Variants in NAALADL2 observed in about 807,000 individuals in gnomAD.
The protein encoded by NAALADL2 is N-acetylated alpha-linked acidic dipeptidase like 2.
In NAALADL2, 76 loss-of-function variants were observed where a neutral mutation model predicts 87.2. The ratio of observed to expected loss-of-function variants is 0.87; its 90% CI spans 0.72 to 1.05. The LOEUF (loss-of-function observed/expected upper bound fraction) is 1.05, where lower values mean the gene tolerates loss of function less well. Ranked by LOEUF, NAALADL2 falls within the 50% of genes least tolerant of loss-of-function variation. NAALADL2 has a pLI of 0.00. For missense variants in NAALADL2, 1,089 were observed against 945.8 expected (o/e 1.15, Z -1.99); for synonymous variants, 354 against 331.0 (o/e 1.07, Z -0.75).
At chr3:174,561,477 G>A (rs532734603) in intron 2 of NAALADL2, among the ~76,000 whole-genome samples, 7 of 152,152 alleles carry the variant, frequency 4.6e-5, no homozygotes, top group East Asian at 3.9e-4. Flanking sequence ...TGAGATTACC[G>A]CCATGAGCCA....
chr3:175,541,907 G>C (rs750863802), intron 9 of NAALADL2, among the ~76,000 whole-genome samples: 3 of 152,150 alleles, frequency 2.0e-5, no homozygotes, highest in Non-Finnish European at 4.4e-5. Flanking sequence ...TTTTAGAAGA[G>C]ATGGGGTTTC....
At chr3:175,360,963 C>T (rs1233260618) in intron 5 of NAALADL2, among the ~76,000 whole-genome samples, 2 of 151,760 alleles carry the variant, frequency 1.3e-5, no homozygotes, top group South Asian at 4.1e-4. Flanking sequence ...TGGTGTGCTG[C>T]ACCCATTAAC....
chr3:175,495,052 G>A (rs1728613761), intron 9 of NAALADL2, among the ~76,000 whole-genome samples: 1 of 146,392 alleles, frequency 6.8e-6, no homozygotes, highest in African/African-American at 2.5e-5. Context: ...TTCTGTTTTG[G>A]ACCATCTGTA....
chr3:174,930,746 C>G (rs1736766391), intron 1 of NAALADL2, among the ~76,000 whole-genome samples: 1 of 150,702 alleles, frequency 6.6e-6, no homozygotes, highest in African/African-American at 2.4e-5. Context: ...CTCAGCCTCC[C>G]AAATAGCTGG....
chr3:174,802,563 A>C (rs1051041164), intron 3 of NAALADL2, among the ~76,000 whole-genome samples: 1 of 152,154 alleles, frequency 6.6e-6, no homozygotes, highest in Non-Finnish European at 1.5e-5. Context: ...TACATGTGCC[A>C]TGTTGGTTTG....
At chr3:174,780,004 G>A (rs1715739391) in intron 3 of NAALADL2, among the ~76,000 whole-genome samples, 1 of 152,124 alleles carries the variant, frequency 6.6e-6, no homozygotes, top group South Asian at 2.1e-4. Flanking sequence ...CTAATTCTGT[G>A]AAGAAGGTCA....
At chr3:175,512,451 T>G (rs1225327373) in intron 9 of NAALADL2, among the ~76,000 whole-genome samples, 1 of 152,190 alleles carries the variant, frequency 6.6e-6, no homozygotes, top group African/African-American at 2.4e-5. Flanking sequence ...CATTGTTAAC[T>G]GCTCCAAAGC....
chr3:175,163,020 T>C (rs945484402), intron 2 of NAALADL2, among the ~76,000 whole-genome samples: 31 of 152,140 alleles, frequency 2.0e-4, no homozygotes, highest in Admixed American at 2.0e-4. Context: ...CTTGAAAAAG[T>C]AGATCTTTGA....
At chr3:174,454,328 A>G (rs1257456617) in intron 1 of NAALADL2, among the ~76,000 whole-genome samples, 1 of 152,180 alleles carries the variant, frequency 6.6e-6, no homozygotes, top group Non-Finnish European at 1.5e-5. Context: ...TATTATATAG[A>G]TCATCGAGGG....
chr3:175,166,702 C>G (rs1734055359), intron 2 of NAALADL2, among the ~76,000 whole-genome samples: 1 of 151,994 alleles, frequency 6.6e-6, no homozygotes, highest in African/African-American at 2.4e-5. Flanking sequence ...CTACGTCTTT[C>G]TGCTGATTAC....
chr3:174,923,120 C>T (rs1026345732), intron 1 of NAALADL2, among the ~76,000 whole-genome samples: 3 of 151,994 alleles, frequency 2.0e-5, no homozygotes, highest in African/African-American at 7.2e-5. Context: ...ACAAGATGAG[C>T]CTGAAATGTC....
At chr3:175,780,231 G>A (rs1443514914) in intron 13 of NAALADL2, among the ~76,000 whole-genome samples, 27 of 151,152 alleles carry the variant, frequency 1.8e-4, no homozygotes, top group African/African-American at 4.1e-4. Flanking sequence ...AGCCGAGATC[G>A]CGCCACTGCA....
At chr3:175,241,771 T>C (rs2109612069) in intron 3 of NAALADL2, among the ~76,000 whole-genome samples, 1 of 152,040 alleles carries the variant, frequency 6.6e-6, no homozygotes, top group East Asian at 1.9e-4. Flanking sequence ...AACTAGGTGG[T>C]TAAAGTGCAG....
At position 174,979,974 on chromosome 3, in the gene NAALADL2, C is replaced by T. The variant is rs562056165; in HGVS notation, c.44-116816C>T. On this transcript the variant is annotated intron_variant, in intron 1 of 13. Transcript: ENST00000454872. ...TCCCCAAAAGCCCTTTATGATTTGA[C>T]TTCTTGTGACCACTTTGACCTTCTG... 1.1e-4 allele frequency among the ~76,000 whole-genome samples: 16 copies of T among 152,178 alleles called. No individual in the cohort carries two copies. In the South Asian group the frequency reaches 2.9e-3, roughly 28 times the overall value.
chr3:175,020,031 C>T (rs747337075), intron 1 of NAALADL2, among the ~76,000 whole-genome samples: 6 of 152,124 alleles, frequency 3.9e-5, no homozygotes, highest in African/African-American at 7.2e-5. Flanking sequence ...CAGTATGTTA[C>T]ACATAATAAG....
intron 10 of NAALADL2, among the ~76,000 whole-genome samples, chr3:175,617,252 ACCTT>A (rs1268867673): frequency 1.3e-5 from 2 of 152,182 alleles, no homozygotes; most frequent in African/African-American, 4.8e-5. Flanking sequence ...GAGGAAGTCC[ACCTT>A]CCTTCCTTCG....
At chr3:175,405,023 A>T (rs1712058957) in intron 5 of NAALADL2, among the ~76,000 whole-genome samples, 1 of 152,192 alleles carries the variant, frequency 6.6e-6, no homozygotes, top group Admixed American at 6.5e-5. Context: ...ATTACTTAAT[A>T]GTACAATCTA....
At chr3:174,874,674 TAC>T (rs1010279437) in intron 1 of NAALADL2, among the ~76,000 whole-genome samples, 1 of 152,150 alleles carries the variant, frequency 6.6e-6, no homozygotes, top group Admixed American at 6.5e-5. Context: ...ATAAATGAAG[TAC>T]ATTGCAATTC....
intron 11 of NAALADL2, chr3:175,655,543 T>C (rs1378349158): frequency 7.3e-6 from 2 of 273,618 alleles, no homozygotes; most frequent in South Asian, 3.0e-5. Context: ...ATTGCTGAAA[T>C]AAAGTGCTTT....
Sources: gnomAD v4.1 joint callset for allele counts (sites outside exome capture counted in the v4.1 genomes callset) on GRCh38, gnomAD v4.1.1 for gene constraint, MANE v1.5 for transcripts, NCBI Gene and HGNC (gene_info 2026-07-23, HGNC 2026-07-21) for gene names.